Variants in DLGAP2 observed in about 807,000 individuals in gnomAD.
The protein encoded by DLGAP2 is DLG associated protein 2, also known as disks large-associated protein 2.
DLGAP2 carries 26 observed loss-of-function variants against 100.3 expected under a neutral mutation model. The ratio of observed to expected loss-of-function variants is 0.26; its 90% confidence interval spans 0.19 to 0.36. DLGAP2 has a LOEUF of 0.36. Among genes scored for constraint, DLGAP2 ranks in the 10% least tolerant of loss-of-function variants. The pLI, the probability that DLGAP2 is intolerant of heterozygous loss-of-function variation, is 1.00. For missense variants in DLGAP2, 1,858 were observed against 1,453.2 expected (o/e 1.28, Z -4.53); for synonymous variants, 886 against 630.1 (o/e 1.41, Z -6.08).
chr8:1,049,599 C>T (rs1044477586), intron 2 of DLGAP2, among the ~76,000 whole-genome samples: 16 of 152,050 alleles, frequency 1.1e-4, no homozygotes, highest in Admixed American at 6.5e-5. Flanking sequence ...CCATATTCCT[C>T]CACTCTGAAA....
In DLGAP2 at chr8:923,615, C is replaced by T. The variant is rs371142913; in HGVS notation, c.73+15649C>T. The stretch of plus-strand genomic sequence containing the variant: ...TTTTTAAGGGTATGGCGTAGAATTC[C>T]TTGGGAATCAGGATTGCATTTTACC... On this transcript the variant is annotated intron_variant, in intron 2 of 14. Coordinates refer to ENST00000637795, the MANE Select transcript of DLGAP2 (RefSeq NM_001346810.2). Among the ~76,000 whole-genome samples the T allele has an allele frequency of 7.2e-5, 11 of 152,100 alleles. No individual in the cohort carries two copies. The East Asian group carries it at 2.1e-3, about 29-fold the overall frequency.
chr8:1,453,138 C>T (rs984770082), intron 3 of DLGAP2, among the ~76,000 whole-genome samples: 26 of 151,676 alleles, frequency 1.7e-4, no homozygotes, highest in African/African-American at 4.4e-4. Context: ...GGAAGGGGAA[C>T]GTCGCAGGTA....
intron 3 of DLGAP2, among the ~76,000 whole-genome samples, chr8:1,346,025 C>T (rs1232661327): frequency 6.6e-6 from 1 of 152,224 alleles, no homozygotes; most frequent in Admixed American, 6.5e-5. Flanking sequence ...GCAGATGGGA[C>T]AGGCTCAATG....
intron 2 of DLGAP2, among the ~76,000 whole-genome samples, chr8:931,025 G>A (rs995759051): frequency 6.6e-6 from 1 of 152,162 alleles, no homozygotes. Context: ...CATAATCACA[G>A]AATTGTCTTC....
At chr8:1,462,941 T>C (rs552913092) in intron 3 of DLGAP2, among the ~76,000 whole-genome samples, 5 of 152,192 alleles carry the variant, frequency 3.3e-5, no homozygotes, top group South Asian at 4.2e-4. Flanking sequence ...CCATGAGAAG[T>C]TGGAAGTAAA....
intron 5 of DLGAP2, among the ~76,000 whole-genome samples, chr8:1,552,887 G>A (rs954418029): frequency 3.9e-5 from 6 of 152,144 alleles, no homozygotes; most frequent in Non-Finnish European, 7.4e-5. Flanking sequence ...GGCAATTCAG[G>A]CCTCACGTTA....
chr8:1,082,242 T>C (rs1803836543), intron 2 of DLGAP2, among the ~76,000 whole-genome samples: 1 of 152,228 alleles, frequency 6.6e-6, no homozygotes, highest in Non-Finnish European at 1.5e-5. Flanking sequence ...GTGTGTTGTG[T>C]TTGTAATTTG....
intron 2 of DLGAP2, among the ~76,000 whole-genome samples, chr8:1,123,150 G>T (rs188631048): frequency 6.6e-6 from 1 of 152,216 alleles, no homozygotes; most frequent in Admixed American, 6.5e-5. Context: ...TGGAATGATC[G>T]CCTTTGACAA....
chr8:1,172,592 C>G (rs1363069029), intron 2 of DLGAP2, among the ~76,000 whole-genome samples: 2 of 152,050 alleles, frequency 1.3e-5, no homozygotes, highest in South Asian at 2.1e-4. Flanking sequence ...TCTTTTTATT[C>G]TTTTTTCTCT....
At chr8:1,006,125 G>A (rs913564069) in intron 2 of DLGAP2, among the ~76,000 whole-genome samples, 3 of 152,090 alleles carry the variant, frequency 2.0e-5, no homozygotes, top group Middle Eastern at 3.2e-3. Context: ...GGAGTCTGAC[G>A]TTGCAGTGAG....
intron 2 of DLGAP2, among the ~76,000 whole-genome samples, chr8:998,301 T>A (rs899179528): frequency 1.3e-5 from 2 of 152,136 alleles, no homozygotes; most frequent in Non-Finnish European, 1.5e-5. Flanking sequence ...TTACTTTTAG[T>A]CAGTTTATCT....
At chr8:917,618 G>T (rs1563094511) in intron 2 of DLGAP2, among the ~76,000 whole-genome samples, 1 of 151,576 alleles carries the variant, frequency 6.6e-6, no homozygotes, top group Non-Finnish European at 1.5e-5. Flanking sequence ...GTCTCGCTCT[G>T]TTGCCAGGCT....
intron 13 of DLGAP2, among the ~76,000 whole-genome samples, chr8:1,695,663 A>G (rs1432945104): frequency 4.6e-5 from 7 of 151,638 alleles, no homozygotes; most frequent in East Asian, 2.0e-4. Flanking sequence ...AGCTGTGCCC[A>G]GCCCTACAGA....
chr8:1,700,355 C>T (rs542857509), intron 14 of DLGAP2, among the ~76,000 whole-genome samples: 2 of 152,316 alleles, frequency 1.3e-5, no homozygotes, highest in African/African-American at 4.8e-5. Flanking sequence ...CGGAGAGTCC[C>T]TGTCATGGCT....
chr8:1,533,365 G>A (rs1005442584), intron 4 of DLGAP2, among the ~76,000 whole-genome samples: 2 of 151,930 alleles, frequency 1.3e-5, no homozygotes, highest in Non-Finnish European at 2.9e-5. Context: ...AATTAGCCGG[G>A]CGTTGTGGCG....
intron 2 of DLGAP2, among the ~76,000 whole-genome samples, chr8:1,112,264 A>G (rs1804981461): frequency 2.3e-5 from 2 of 86,050 alleles, no homozygotes; most frequent in South Asian, 7.0e-4. Flanking sequence ...TTTTTGAGAC[A>G]GAGTTTTGCT....
intron 1 of DLGAP2, among the ~76,000 whole-genome samples, chr8:892,645 C>G (rs886286575): frequency 1.3e-5 from 2 of 152,186 alleles, no homozygotes; most frequent in Non-Finnish European, 2.9e-5. Context: ...GGTCAGCTCC[C>G]TGGTCTGTTC....
At chr8:1,433,424 G>A (rs28520430) in intron 3 of DLGAP2, among the ~76,000 whole-genome samples, 21,629 of 152,210 alleles carry the variant, frequency 0.14, 1,808 homozygotes, top group South Asian at 0.24. Flanking sequence ...CCAAGCACCC[G>A]AACCACGTGG....
At chr8:1,513,946 A>C (rs1800270245) in intron 4 of DLGAP2, among the ~76,000 whole-genome samples, 1 of 152,206 alleles carries the variant, frequency 6.6e-6, no homozygotes, top group Non-Finnish European at 1.5e-5. Context: ...CTGCCTACGC[A>C]ATGTGATTGA....
Sources: allele counts gnomAD v4.1 joint callset (sites outside exome capture counted in the v4.1 genomes callset), GRCh38; gene constraint gnomAD v4.1.1; transcripts MANE v1.5; gene names NCBI Gene and HGNC (gene_info 2026-07-23, HGNC 2026-07-21).